ZNF385D: variants seen among roughly 807,000 people sequenced by gnomAD.
ZNF385D encodes the protein zinc finger protein 659.
Under a neutral mutation model 35.8 loss-of-function variants are expected in ZNF385D, and 15 were observed. The ratio of observed to expected loss-of-function variants is 0.42; its 90% confidence interval spans 0.28 to 0.64. ZNF385D has a LOEUF of 0.64. ZNF385D is among the 30% of genes least tolerant of loss of function. The pLI is 0.23. For missense variants in ZNF385D, 474 were observed against 494.6 expected, an observed-to-expected ratio of 0.96 and a Z score of 0.39; for synonymous variants, 212 against 186.8, an observed-to-expected ratio of 1.13 and a Z score of -1.10.
At chr3:22,369,550 A>G (rs1342553405) in intron 2 of ZNF385D, among the ~76,000 whole-genome samples, 1 of 152,188 alleles carries the variant, frequency 6.6e-6, no homozygotes, top group Non-Finnish European at 1.5e-5. Context: ...TATCATGCAA[A>G]TACAATGAAA....
intron 3 of ZNF385D, among the ~76,000 whole-genome samples, chr3:22,032,796 T>C (rs259446): frequency 0.81 from 122,804 of 152,042 alleles, 50,367 homozygotes; most frequent in African/African-American, 0.95. Context: ...ACTATATGCT[T>C]TGGACTGATT....
chr3:22,031,092 C>G (rs530921412), intron 3 of ZNF385D, among the ~76,000 whole-genome samples: 1 of 152,252 alleles, frequency 6.6e-6, no homozygotes, highest in Non-Finnish European at 1.5e-5. Context: ...AGCTCTGCCC[C>G]TGTGGCTTTG....
At chr3:22,111,254 C>T (rs1317503714) in intron 3 of ZNF385D, among the ~76,000 whole-genome samples, 1 of 133,644 alleles carries the variant, frequency 7.5e-6, no homozygotes, top group East Asian at 2.3e-4. Context: ...TATTTACTTA[C>T]GAGTATTCAA....
intron 3 of ZNF385D, among the ~76,000 whole-genome samples, chr3:21,768,155 G>C (rs1302435073): frequency 1.3e-5 from 2 of 152,004 alleles, no homozygotes; most frequent in Admixed American, 6.6e-5. Context: ...GGCCATTCCT[G>C]TCATGGGACT....
At chr3:22,163,755 A>C (rs1461792720) in intron 3 of ZNF385D, among the ~76,000 whole-genome samples, 1 of 152,208 alleles carries the variant, frequency 6.6e-6, no homozygotes, top group Non-Finnish European at 1.5e-5. Flanking sequence ...TTGACATACC[A>C]TATTTAATTA....
chr3:21,552,166 A>G (rs1156337082), intron 3 of ZNF385D, among the ~76,000 whole-genome samples: 1 of 152,240 alleles, frequency 6.6e-6, no homozygotes, highest in Non-Finnish European at 1.5e-5. Flanking sequence ...TTACCTGGAA[A>G]CAACAAAAGG....
chr3:21,555,966 A>G (rs2062719708), intron 3 of ZNF385D, among the ~76,000 whole-genome samples: 1 of 151,202 alleles, frequency 6.6e-6, no homozygotes. Context: ...GTGACCAGTG[A>G]TGATGAGCTT....
chr3:21,870,229 G>T (rs1346633650), intron 3 of ZNF385D, among the ~76,000 whole-genome samples: 1 of 152,152 alleles, frequency 6.6e-6, no homozygotes, highest in Non-Finnish European at 1.5e-5. Context: ...TGGCTTGACT[G>T]TTTTAACCTG....
chr3:21,739,915 A>G (rs1461769064), intron 1 of ZNF385D, among the ~76,000 whole-genome samples: 1 of 152,158 alleles, frequency 6.6e-6, no homozygotes, highest in African/African-American at 2.4e-5. Context: ...CACTCTATAG[A>G]GTATCATTTA....
chr3:21,779,616 G>A (rs535689854), intron 3 of ZNF385D, among the ~76,000 whole-genome samples: 1 of 151,902 alleles, frequency 6.6e-6, no homozygotes, highest in Non-Finnish European at 1.5e-5. Flanking sequence ...TTCTATCTTA[G>A]AGAAAAAGAA....
At chr3:22,115,518 C>A (rs1424006399) in intron 3 of ZNF385D, among the ~76,000 whole-genome samples, 1 of 151,942 alleles carries the variant, frequency 6.6e-6, no homozygotes, top group Non-Finnish European at 1.5e-5. Flanking sequence ...TGGTCATTTT[C>A]AAGATTTTCA....
intron 3 of ZNF385D, among the ~76,000 whole-genome samples, chr3:21,800,495 G>A (rs1279388987): frequency 2.6e-5 from 4 of 152,090 alleles, no homozygotes; most frequent in Admixed American, 1.3e-4. Context: ...CCTAAAAGCT[G>A]GTCATACTGG....
chr3:21,753,514 A>G (rs1041639852), upstream of ZNF385D, among the ~76,000 whole-genome samples: 31 of 152,170 alleles, frequency 2.0e-4, no homozygotes, highest in African/African-American at 7.5e-4. Flanking sequence ...GGCATTCCAG[A>G]AACAATTGAG....
chr3:21,825,050 T>C (rs1575725877), intron 3 of ZNF385D, among the ~76,000 whole-genome samples: 2 of 152,236 alleles, frequency 1.3e-5, no homozygotes, highest in African/African-American at 4.8e-5. Flanking sequence ...GATCCAGTTG[T>C]GTAAGATTTT....
At chr3:22,171,841 C>T (rs1269714815) in intron 2 of ZNF385D, among the ~76,000 whole-genome samples, 4 of 140,610 alleles carry the variant, frequency 2.8e-5, no homozygotes, top group African/African-American at 1.1e-4. Flanking sequence ...CACGCCACTA[C>T]ATCCCAGCCT....
At chr3:21,883,219 G>A (rs1698368390) in intron 3 of ZNF385D, among the ~76,000 whole-genome samples, 1 of 151,674 alleles carries the variant, frequency 6.6e-6, no homozygotes, top group Non-Finnish European at 1.5e-5. Context: ...TTTATTATGT[G>A]ATTATTTGAT....
intron 3 of ZNF385D, among the ~76,000 whole-genome samples, chr3:21,814,682 G>A (rs1053574829): frequency 6.6e-6 from 1 of 152,120 alleles, no homozygotes; most frequent in African/African-American, 2.4e-5. Context: ...GATTCATAAA[G>A]CAAGTCCCTA....
rs191176667 is a variant in ZNF385D, at chr3:22,203,007, G to A, written c.107-33972C>T. On this transcript the variant is annotated intron_variant, in intron 2 of 5. Coordinates refer to the ZNF385D transcript ENST00000494108. ...TAGGCAAATCCTAGTGGTGTGCTGCGCTTGGAACCAGTGAATGTGGGAGAC... is the reference window on the plus strand; with the variant it reads ...TAGGCAAATCCTAGTGGTGTGCTGCACTTGGAACCAGTGAATGTGGGAGAC... Among the ~76,000 whole-genome samples the A allele has an allele frequency of 1.7e-4, 26 of 152,148 alleles. No individual in the cohort carries two copies. In the East Asian group the frequency reaches 2.9e-3, roughly 17 times the overall value.
intron 3 of ZNF385D, among the ~76,000 whole-genome samples, chr3:22,153,055 G>A (rs78498033): frequency 0.021 from 3,137 of 152,274 alleles, 41 homozygotes; most frequent in Non-Finnish European, 0.03. Flanking sequence ...ATTCTCAGGA[G>A]AGCTGATGGT....
Sources: gnomAD v4.1 joint callset for allele counts (sites outside exome capture counted in the v4.1 genomes callset) on GRCh38, gnomAD v4.1.1 for gene constraint, MANE v1.5 for transcripts, NCBI Gene and HGNC (gene_info 2026-07-23, HGNC 2026-07-21) for gene names.